PXDNL: variants seen among roughly 807,000 people sequenced by gnomAD.
The protein encoded by PXDNL is probable oxidoreductase PXDNL.
In PXDNL, 145 loss-of-function variants were observed where a neutral mutation model predicts 150.8. The observed-to-expected ratio is 0.96, with a 90% CI of 0.84 to 1.10. The LOEUF is 1.10. Among genes scored for constraint, PXDNL ranks in the 50% least tolerant of loss-of-function variants. PXDNL has a pLI of 0.00. For missense variants in PXDNL, 2,087 were observed against 1,873.9 expected (o/e 1.11, Z -2.10); for synonymous variants, 757 against 725.7 (o/e 1.04, Z -0.69).
intron 1 of PXDNL, among the ~76,000 whole-genome samples, chr8:51,784,354 T>G (rs1442984935): frequency 6.6e-6 from 1 of 152,238 alleles, no homozygotes; most frequent in Non-Finnish European, 1.5e-5. Context: ...ATTATGCTTT[T>G]CTATTGTTTT....
At chr8:51,755,700 A>C (rs1404933335) in intron 1 of PXDNL, among the ~76,000 whole-genome samples, 1 of 152,226 alleles carries the variant, frequency 6.6e-6, no homozygotes, top group Non-Finnish European at 1.5e-5. Context: ...CATAAAATTT[A>C]TCTTTTACCT....
At chr8:51,536,316 C>G (rs193003358) in intron 4 of PXDNL, among the ~76,000 whole-genome samples, 4 of 152,324 alleles carry the variant, frequency 2.6e-5, no homozygotes, top group South Asian at 2.1e-4. Flanking sequence ...GACTATGAGG[C>G]CTTGTTTTTT....
chr8:51,402,331 G>C (rs1034266171), intron 17 of PXDNL, among the ~76,000 whole-genome samples: 2 of 152,028 alleles, frequency 1.3e-5, no homozygotes, highest in African/African-American at 4.8e-5. Context: ...TTTGAGACCG[G>C]CCTGGCTAAC....
rs1481941235 is a variant in PXDNL at position 51,408,934 on chromosome 8, G to C, written c.2690C>G (p.Ser897Cys). 2 of 1,612,646 alleles carry C rather than the reference G, an allele frequency of 1.2e-6. No homozygotes were observed. The highest frequency in any genetic ancestry group is 1.7e-6 in the Non-Finnish European group (2 of 1,179,750). Residue 897 changes from serine (S) to cysteine (C), a missense_variant, in exon 17 of 23, where the codon TCC becomes TGC. Transcript: ENST00000356297. ...CCGCTCCGAGCTCCCGTAAACGTTG[G>C]AGCCATCGATGTAGGCTGTTTGCTG... ...INQQTAYIDG[S>C]NVYGSSERES...
chr8:51,678,882 A>G (rs1815685811), intron 1 of PXDNL, among the ~76,000 whole-genome samples: 1 of 152,156 alleles, frequency 6.6e-6, no homozygotes, highest in African/African-American at 2.4e-5. Context: ...AAAAATTACT[A>G]CTTATTTTAA....
intron 17 of PXDNL, among the ~76,000 whole-genome samples, chr8:51,381,564 A>G (rs974422468): frequency 2.0e-5 from 3 of 152,140 alleles, no homozygotes; most frequent in African/African-American, 7.2e-5. Flanking sequence ...ATCTTTGCTG[A>G]TGTGATCAAG....
At chr8:51,696,687 AC>A (rs1816138431) in intron 1 of PXDNL, among the ~76,000 whole-genome samples, 3 of 151,740 alleles carry the variant, frequency 2.0e-5, no homozygotes, top group African/African-American at 2.4e-5. Context: ...ATCCACACAC[AC>A]AGGTCCACAC....
intron 10 of PXDNL, among the ~76,000 whole-genome samples, chr8:51,452,935 A>AACACATACACACACACACACACACAAAC (rs60146365): frequency 7.0e-6 from 1 of 142,566 alleles, no homozygotes. Context: ...CACACACACA[A>AACACATACACACACACACACACACAAAC]ACACACACAC....
chr8:51,768,434 T>C (rs2037255528), intron 1 of PXDNL, among the ~76,000 whole-genome samples: 1 of 152,178 alleles, frequency 6.6e-6, no homozygotes, highest in Non-Finnish European at 1.5e-5. Flanking sequence ...TTTGGTGACC[T>C]TTCTGCTATA....
intron 10 of PXDNL, among the ~76,000 whole-genome samples, chr8:51,450,060 A>C (rs1809767919): frequency 6.6e-6 from 1 of 152,176 alleles, no homozygotes; most frequent in South Asian, 2.1e-4. Context: ...TTTTCTGGAA[A>C]GCGGTGGGCA....
rs190587609 is a variant in PXDNL at position 51,371,783 on chromosome 8, T to C, written c.3901+90A>G. ...GTTGTTGGCTTTTTGCGTATCTTTC[T>C]TTAAATCGCATAATCTTTACCACTG... On this transcript the variant is annotated intron_variant, in intron 19 of 22. Transcript: ENST00000356297. 86 of 1,189,064 alleles carry C rather than the reference T, an allele frequency of 7.2e-5. No homozygotes were observed. The East Asian group carries it at 2.0e-3, about 27-fold the overall frequency. 73.7% of individuals were successfully genotyped at this position (1,189,064 alleles called of 1,614,324 possible). A position where few individuals can be genotyped will look rare whatever the true frequency, so the allele number is the denominator to read the frequency against.
intron 1 of PXDNL, among the ~76,000 whole-genome samples, chr8:51,739,936 AT>A (rs1392196622): frequency 2.0e-5 from 3 of 151,894 alleles, no homozygotes; most frequent in Non-Finnish European, 4.4e-5. Context: ...AGAATTCACA[AT>A]CTGAAACACA....
In PXDNL at chr8:51,374,695, G is replaced by A. The variant is rs200654236; in HGVS notation, c.3594C>T (p.Pro1198=). The A allele has an allele frequency of 1.6e-4, 259 of 1,613,812 alleles. 1 individual carries two copies. The highest frequency in any genetic ancestry group is 1.2e-3 in the Middle Eastern group (7 of 6,062). Residue 1198 remains proline (P), a synonymous_variant, in exon 18 of 23, where the codon CCC becomes CCT. Transcript: ENST00000356297. ...GAATCAGGTCTTCAACCATAAGGGC[G>A]GGCCAGAGGTCAATGTCACCTGGAG... ...YGSPGDIDLW[P]ALMVEDLIPG...
intron 17 of PXDNL, among the ~76,000 whole-genome samples, chr8:51,378,832 G>T (rs1204420592): frequency 1.3e-5 from 2 of 152,124 alleles, no homozygotes; most frequent in Non-Finnish European, 2.9e-5. Flanking sequence ...GAACCCACCA[G>T]AAGGAAGAAA....
At chr8:51,644,617 G>A (rs1399040833) in intron 2 of PXDNL, among the ~76,000 whole-genome samples, 5 of 8,778 alleles carry the variant, frequency 5.7e-4, no homozygotes, top group East Asian at 7.5e-3. Context: ...CTGCCACCGC[G>A]CCCAGCTATT....
chr8:51,725,230 G>A (rs1816800682), intron 1 of PXDNL, among the ~76,000 whole-genome samples: 1 of 152,080 alleles, frequency 6.6e-6, no homozygotes, highest in Admixed American at 6.5e-5. Context: ...ACAATCAATA[G>A]CCCCATCCTC....
At chr8:51,533,923 G>T (rs1468501161) in intron 4 of PXDNL, among the ~76,000 whole-genome samples, 1 of 151,242 alleles carries the variant, frequency 6.6e-6, no homozygotes, top group Non-Finnish European at 1.5e-5. Flanking sequence ...TGGGAAGTGA[G>T]GAGCGTCTCT....
At chr8:51,768,444 A>T (rs1188172218) in intron 1 of PXDNL, among the ~76,000 whole-genome samples, 1 of 152,142 alleles carries the variant, frequency 6.6e-6, no homozygotes, top group Non-Finnish European at 1.5e-5. Flanking sequence ...TTTCTGCTAT[A>T]ATAGGGGTAA....
intron 18 of PXDNL, among the ~76,000 whole-genome samples, chr8:51,373,037 A>G (rs969279230): frequency 1.3e-5 from 2 of 152,210 alleles, no homozygotes; most frequent in Non-Finnish European, 2.9e-5. Flanking sequence ...TCTTGATGTT[A>G]TGGACTGAGC....
Sources: allele counts gnomAD v4.1 joint callset (sites outside exome capture counted in the v4.1 genomes callset), GRCh38; gene constraint gnomAD v4.1.1; transcripts MANE v1.5; gene names NCBI Gene and HGNC (gene_info 2026-07-23, HGNC 2026-07-21).